Variants in ASAP3 observed in about 807,000 individuals in gnomAD.
ASAP3 encodes ArfGAP with SH3 domain, ankyrin repeat and PH domain 3.
ASAP3 carries 85 observed loss-of-function variants against 118.2 expected under a neutral mutation model. The observed-to-expected ratio is 0.72, with a 90% CI of 0.60 to 0.86. ASAP3 has a LOEUF of 0.86. Ranked by LOEUF, ASAP3 falls within the 40% of genes least tolerant of loss-of-function variation. The probability of loss-of-function intolerance (pLI) is 0.00; values close to 1 mark genes in which losing one functional copy is unlikely to be tolerated. For missense variants in ASAP3, 1,026 were observed against 1,175.0 expected (o/e 0.87, Z 1.85); for synonymous variants, 432 against 477.4 (o/e 0.90, Z 1.24).
chr1:23,441,250 C>G, intron 9 of ASAP3, 39 bp from the exon 10 acceptor site: 1 of 1,611,924 alleles, frequency 6.2e-7, no homozygotes, highest in South Asian at 1.1e-5. Context: ...CAGGGCATCT[C>G]AGTGGGAAGA....
At chr1:23,462,905 T>C (rs933167688) in intron 1 of ASAP3, among the ~76,000 whole-genome samples, 5 of 152,192 alleles carry the variant, frequency 3.3e-5, no homozygotes, top group African/African-American at 1.2e-4. Context: ...AACAGAGCCA[T>C]GTCTGCTTTG....
chr1:23,431,577 G>T, intron 23 of ASAP3, 119 bp downstream of exon 23: 1 of 975,950 alleles, frequency 1.0e-6, no homozygotes, highest in Non-Finnish European at 1.5e-6. Context: ...TAAGTGATGG[G>T]CCCAGAGATG....
In ASAP3 at chr1:23,435,917, C is replaced by T; in HGVS notation, c.1683G>A (p.Leu561=). 1 of 1,614,278 alleles carries T rather than the reference C, an allele frequency of 6.2e-7. No individual in the cohort carries two copies. The highest frequency in any genetic ancestry group is 8.5e-7 in the Non-Finnish European group (1 of 1,180,056). The change falls in exon 17 of 25, where the codon CTG becomes CTA. Residue 561 remains leucine (L), a synonymous_variant. Transcript: ENST00000336689. ...LWTAICNRDL[L]SVLEAFANGQ... ...CATTGGCAAAGGCCTCCAGTACCGA[C>T]AGGAGGTCCCTGTTGCAAATGGCTG...
intron 19 of ASAP3, 60 bp downstream of exon 19, chr1:23,434,194 A>G: frequency 1.3e-6 from 2 of 1,524,780 alleles, no homozygotes. Context: ...AGACCATCGG[A>G]AGTCCACATA....
At chr1:23,441,281 A>C (rs1230706023) in intron 9 of ASAP3, 70 bp from the exon 10 acceptor site, 2 of 1,600,502 alleles carry the variant, frequency 1.2e-6, no homozygotes, top group Non-Finnish European at 1.7e-6. Flanking sequence ...GCGGGGGCTC[A>C]CTCAGGGAGA....
At position 23,431,871 on chromosome 1, in the gene ASAP3, C is replaced by G; in HGVS notation, c.2371G>C (p.Glu791Gln). ...SLSSEAPETP[E>Q]SLGSPASSSS... ...GAGGAGGCTGGACTGCCCAGGCTCTCAGGGGTCTCAGGGGCCTCTGAACTC... is the reference window on the plus strand; with the variant it reads ...GAGGAGGCTGGACTGCCCAGGCTCTGAGGGGTCTCAGGGGCCTCTGAACTC... Residue 791 changes from glutamate (E) to glutamine (Q), a missense_variant, in exon 23 of 25, where the codon GAG (glutamate) becomes CAG (glutamine). Coordinates refer to ENST00000336689, the MANE Select transcript of ASAP3 (RefSeq NM_017707.4). The G allele has an allele frequency of 6.2e-7, 1 of 1,604,384 alleles. No homozygotes were observed. Among genetic ancestry groups the G allele is most frequent in the Non-Finnish European group, 8.5e-7 (1 of 1,177,068 alleles).
At chr1:23,461,789 T>C (rs1641596597) in intron 1 of ASAP3, among the ~76,000 whole-genome samples, 1 of 152,160 alleles carries the variant, frequency 6.6e-6, no homozygotes, top group Non-Finnish European at 1.5e-5. Flanking sequence ...TCCTGGACCA[T>C]GAAGTAGAAG....
rs1308803601 is a variant in ASAP3, at chr1:23,436,043, C to G, written c.1572-15G>C. ...TGCGGGTGCCCCTACCAAAAACAAC[C>G]ACAGGATCTCAGAGCATGGACCGTG... On this transcript the variant is annotated splice_polypyrimidine_tract_variant and intron_variant, in intron 16 of 24. Transcript: ENST00000336689. This position sits in a 1 kb window ranked among gnomAD's most constrained non-coding sequence, Gnocchi z 4.2. The G allele has an allele frequency of 1.9e-6, 3 of 1,613,778 alleles. No individual in the cohort carries two copies. The highest frequency in any genetic ancestry group is 2.5e-6 in the Non-Finnish European group (3 of 1,179,666).
intron 1 of ASAP3, among the ~76,000 whole-genome samples, chr1:23,463,407 T>A (rs1641659996): frequency 1.3e-5 from 2 of 151,912 alleles, no homozygotes; most frequent in African/African-American, 4.8e-5. Context: ...CATAAAAAAA[T>A]TTAGTTTTAA....
intron 4 of ASAP3, among the ~76,000 whole-genome samples, chr1:23,452,396 C>T (rs1641244548): frequency 6.6e-6 from 1 of 152,206 alleles, no homozygotes; most frequent in Admixed American, 6.5e-5. Context: ...CAGCAGGTTA[C>T]CTAACTCCCT....
chr1:23,466,552 T>A (rs1641775941), intron 1 of ASAP3, among the ~76,000 whole-genome samples: 1 of 152,194 alleles, frequency 6.6e-6, no homozygotes, highest in African/African-American at 2.4e-5. Context: ...TCTGGCTCTC[T>A]GGTTTGTGTT....
intron 1 of ASAP3, among the ~76,000 whole-genome samples, chr1:23,475,557 G>T (rs570687583): frequency 6.6e-6 from 1 of 152,152 alleles, no homozygotes; most frequent in Non-Finnish European, 1.5e-5. Context: ...TGAAACCCAC[G>T]GTCTCGATGC....
chr1:23,445,715 G>A (rs558721281), intron 5 of ASAP3, among the ~76,000 whole-genome samples: 1 of 152,342 alleles, frequency 6.6e-6, no homozygotes, highest in South Asian at 2.1e-4. Flanking sequence ...GCTCATGCCT[G>A]TAATCCAAGT....
chr1:23,459,665 G>A (rs1223663099), intron 1 of ASAP3, among the ~76,000 whole-genome samples: 5 of 152,180 alleles, frequency 3.3e-5, no homozygotes, highest in Non-Finnish European at 7.3e-5. Context: ...GCCCCACACC[G>A]CCACAGCAAG....
In ASAP3 at chr1:23,434,654, C is replaced by T. The variant is rs199844906; in HGVS notation, c.1750-36G>A. The T allele has an allele frequency of 1.8e-5, 28 of 1,589,740 alleles. No homozygotes were observed. In the Admixed American group the frequency reaches 3.7e-4, roughly 21 times the overall value. On this transcript the variant is annotated intron_variant, in intron 17 of 24. Coordinates refer to ENST00000336689, the MANE Select transcript of ASAP3 (RefSeq NM_017707.4). ...ATCCACACCTCTGAGATTCCCCCCC[C>T]AGTGCACCTGCCTCCAACCCAGTAT...
At chr1:23,448,658 G>A (rs1641119375) in intron 5 of ASAP3, among the ~76,000 whole-genome samples, 1 of 151,982 alleles carries the variant, frequency 6.6e-6, no homozygotes, top group African/African-American at 2.4e-5. Flanking sequence ...ATAGAGGCAA[G>A]GTCTCACTAT....
Position 23,436,105 on chromosome 1 carries a change from A to C in ASAP3, c.1572-77T>G. On this transcript the variant is annotated intron_variant, in intron 16 of 24. Transcript: ENST00000336689. The surrounding 1 kb of genome is among the most constrained non-coding windows in gnomAD (Gnocchi z 4.2). ...GATCCCTGGGGCCCTCCCACAGGAGATACAGCTCTCTTTTTCTCCAGAACC... is the reference window on the plus strand; with the variant it reads ...GATCCCTGGGGCCCTCCCACAGGAGCTACAGCTCTCTTTTTCTCCAGAACC... The C allele has an allele frequency of 6.7e-7, 1 of 1,487,340 alleles. No individual in the cohort carries two copies. Among genetic ancestry groups the C allele is most frequent in the Admixed American group, 1.7e-5 (1 of 58,656 alleles). 92.1% of individuals were successfully genotyped at this position (1,487,340 alleles called of 1,614,324 possible). A position where few individuals can be genotyped will look rare whatever the true frequency, so the allele number is the denominator to read the frequency against.
intron 5 of ASAP3, among the ~76,000 whole-genome samples, chr1:23,444,440 C>A (rs1271019128): frequency 2.0e-5 from 3 of 152,238 alleles, no homozygotes; most frequent in Admixed American, 6.5e-5. Context: ...TGGGGGCCAG[C>A]CCTGAGCAGA....
At position 23,433,273 on chromosome 1, in the gene ASAP3, C is replaced by T; in HGVS notation, c.2128-1G>A. On this transcript the variant is annotated splice_acceptor_variant, in intron 21 of 24. Coordinates refer to ENST00000336689, the MANE Select transcript of ASAP3 (RefSeq NM_017707.4). LOFTEE classifies it high-confidence loss of function. Reference sequence around the variant, plus strand: ...GGGCCGGGAGCTTCAGCAAGCAGCGCTGCCAGAGCAAAAGATTGAGGATGA... The same window carrying T: ...GGGCCGGGAGCTTCAGCAAGCAGCGTTGCCAGAGCAAAAGATTGAGGATGA... 6.2e-7 allele frequency: 1 copy of T among 1,605,884 alleles called. No homozygotes were observed. Among genetic ancestry groups the T allele is most frequent in the Admixed American group, 1.7e-5 (1 of 58,722 alleles).
Sources: allele counts gnomAD v4.1 joint callset (sites outside exome capture counted in the v4.1 genomes callset), GRCh38; gene constraint gnomAD v4.1.1; non-coding constraint Gnocchi (gnomAD v3.1); transcripts MANE v1.5; gene names NCBI Gene and HGNC (gene_info 2026-07-23, HGNC 2026-07-21).